Variants in DNAH5 observed in about 807,000 individuals in gnomAD.
The protein encoded by DNAH5 is dynein axonemal heavy chain 5.
Under a neutral mutation model 518.2 loss-of-function variants are expected in DNAH5, and 372 were observed. The observed-to-expected ratio is 0.72, with a 90% confidence interval of 0.66 to 0.78. The LOEUF (loss-of-function observed/expected upper bound fraction) is 0.78, where lower values mean the gene tolerates loss of function less well. DNAH5 is among the 30% of genes least tolerant of loss of function. DNAH5 has a pLI of 0.00. For missense variants in DNAH5, 5,523 were observed against 5,687.0 expected, an observed-to-expected ratio of 0.97 and a Z score of 0.93; for synonymous variants, 2,039 against 2,025.9, an observed-to-expected ratio of 1.01 and a Z score of -0.17.
intron 32 of DNAH5, among the ~76,000 whole-genome samples, chr5:13,844,137 A>G (rs1474379526): frequency 6.6e-6 from 1 of 152,212 alleles, no homozygotes; most frequent in Non-Finnish European, 1.5e-5. Flanking sequence ...GCACAAGTTC[A>G]TGGAAGGTTA....
intron 38 of DNAH5, among the ~76,000 whole-genome samples, chr5:13,828,880 G>T (rs780609436): frequency 3.9e-5 from 6 of 152,106 alleles, no homozygotes; most frequent in Non-Finnish European, 7.4e-5. Flanking sequence ...CAAACCACAG[G>T]ACTCATTTCA....
In DNAH5 at chr5:13,810,207, C is replaced by A. The variant is rs1383118374; in HGVS notation, c.7461G>T (p.Ala2487=). 1 of 1,550,412 alleles carries A rather than the reference C, an allele frequency of 6.4e-7. No individual in the cohort carries two copies. The highest frequency in any genetic ancestry group is 8.7e-7 in the Non-Finnish European group (1 of 1,146,866). Reference sequence around the variant, plus strand: ...GCGCCGCCCCCGCGCTCCACAGCAGCGCGAACACGAACAGCCGCCCCAGGT... The same window carrying A: ...GCGCCGCCCCCGCGCTCCACAGCAGAGCGAACACGAACAGCCGCCCCAGGT... ...QAHLGRLFVF[A]LLWSAGAALE... The change falls in exon 45 of 79, where the codon GCG becomes GCT. Residue 2487 remains alanine, a synonymous_variant. Coordinates refer to ENST00000265104, the MANE Select transcript of DNAH5 (RefSeq NM_001369.3).
At chr5:13,881,320 C>T (rs1676670947) in intron 21 of DNAH5, among the ~76,000 whole-genome samples, 3 of 151,908 alleles carry the variant, frequency 2.0e-5, no homozygotes, top group South Asian at 4.1e-4. Context: ...CAGAATATTC[C>T]ATCTAACAGA....
chr5:13,783,400 G>A (rs576821039), intron 52 of DNAH5, among the ~76,000 whole-genome samples: 4 of 152,242 alleles, frequency 2.6e-5, no homozygotes, highest in South Asian at 2.1e-4. Flanking sequence ...TCACTAAGAC[G>A]GGAACCCACC....
chr5:13,981,913 G>A (rs1442953105), intron 1 of DNAH5, among the ~76,000 whole-genome samples: 5 of 152,206 alleles, frequency 3.3e-5, no homozygotes, highest in Non-Finnish European at 5.9e-5. Flanking sequence ...AGAAGTGCTG[G>A]CTCTAATCAT....
intron 76 of DNAH5, among the ~76,000 whole-genome samples, chr5:13,704,732 C>T (rs1221927301): frequency 6.6e-6 from 1 of 152,096 alleles, no homozygotes; most frequent in Non-Finnish European, 1.5e-5. Context: ...TAAATTTTGT[C>T]CCATCTCCAT....
chr5:13,939,091 A>G (rs1779228071), intron 1 of DNAH5, among the ~76,000 whole-genome samples: 1 of 152,196 alleles, frequency 6.6e-6, no homozygotes, highest in Non-Finnish European at 1.5e-5. Context: ...AGAGAATCTC[A>G]TCATTCCTAC....
chr5:13,759,806 G>T (rs1751526727), intron 60 of DNAH5, among the ~76,000 whole-genome samples: 1 of 152,116 alleles, frequency 6.6e-6, no homozygotes, highest in South Asian at 2.1e-4. Context: ...AATTTATAAA[G>T]TGTTAATATT....
intron 51 of DNAH5, among the ~76,000 whole-genome samples, chr5:13,788,385 C>A (rs1332848334): frequency 6.6e-6 from 1 of 152,158 alleles, no homozygotes; most frequent in Non-Finnish European, 1.5e-5. Flanking sequence ...TGCCGAGATG[C>A]CCAGCTAACT....
At chr5:13,850,900 G>T in intron 30 of DNAH5, 85 bp from the exon 31 acceptor site, 1 of 1,420,538 alleles carries the variant, frequency 7.0e-7, no homozygotes, top group Non-Finnish European at 9.9e-7. Flanking sequence ...TCCAGCTGAG[G>T]CTAGAGCTTT....
chr5:13,940,813 A>G (rs1779389063), intron 1 of DNAH5, among the ~76,000 whole-genome samples: 1 of 152,202 alleles, frequency 6.6e-6, no homozygotes, highest in Admixed American at 6.5e-5. Flanking sequence ...TCTCCTTACT[A>G]GACTTGTGCA....
intron 1 of DNAH5, among the ~76,000 whole-genome samples, chr5:13,970,617 A>G (rs1781801196): frequency 6.6e-6 from 1 of 152,214 alleles, no homozygotes; most frequent in Non-Finnish European, 1.5e-5. Context: ...AACAGGATCC[A>G]ATCCCTTCTA....
At chr5:13,763,774 G>A (rs1325416823) in intron 59 of DNAH5, among the ~76,000 whole-genome samples, 2 of 152,138 alleles carry the variant, frequency 1.3e-5, no homozygotes, top group Non-Finnish European at 2.9e-5. Flanking sequence ...CCCAAAAAAA[G>A]CCAGATGAAT....
chr5:13,975,859 T>G (rs1464894075), intron 1 of DNAH5, among the ~76,000 whole-genome samples: 1 of 152,230 alleles, frequency 6.6e-6, no homozygotes, highest in Non-Finnish European at 1.5e-5. Context: ...CAGCTAAACT[T>G]GCACAAGATT....
At chr5:13,833,225 G>C (rs1323696676) in intron 35 of DNAH5, among the ~76,000 whole-genome samples, 4 of 151,928 alleles carry the variant, frequency 2.6e-5, no homozygotes, top group South Asian at 2.1e-4. Flanking sequence ...TGGATCACGA[G>C]GTCAGGAGTT....
chr5:13,718,733 T>G, intron 72 of DNAH5, 149 bp downstream of exon 72: 1 of 717,644 alleles, frequency 1.4e-6, no homozygotes, highest in Non-Finnish European at 2.4e-6. Context: ...CCGGGACATA[T>G]TCACAAAAGA....
intron 65 of DNAH5, among the ~76,000 whole-genome samples, chr5:13,742,466 T>A (rs1748706625): frequency 6.6e-6 from 1 of 152,112 alleles, no homozygotes; most frequent in Admixed American, 6.6e-5. Context: ...CTCAATATAG[T>A]TGGCAAAACC....
intron 65 of DNAH5, among the ~76,000 whole-genome samples, chr5:13,746,135 A>T (rs887790289): frequency 6.6e-6 from 1 of 152,134 alleles, no homozygotes; most frequent in Non-Finnish European, 1.5e-5. Context: ...ACTTTTACTA[A>T]GGAAATGAGT....
At chr5:13,965,726 C>G (rs1325930888) in intron 1 of DNAH5, among the ~76,000 whole-genome samples, 1 of 152,204 alleles carries the variant, frequency 6.6e-6, no homozygotes, top group Non-Finnish European at 1.5e-5. Flanking sequence ...TCGAAAATGT[C>G]CTAGCCCTCC....
Sources: gnomAD v4.1 joint callset for allele counts (sites outside exome capture counted in the v4.1 genomes callset) on GRCh38, gnomAD v4.1.1 for gene constraint, MANE v1.5 for transcripts, NCBI Gene and HGNC (gene_info 2026-07-23, HGNC 2026-07-21) for gene names.